The following RNF150 variants were observed in gnomAD, a reference collection of about 807,000 sequenced individuals.
The protein encoded by RNF150 is ring finger protein 150.
RNF150 carries 24 observed loss-of-function variants against 39.3 expected under a neutral mutation model. That is an observed-to-expected ratio of 0.61 (90% CI 0.44 to 0.86). The LOEUF (loss-of-function observed/expected upper bound fraction) is 0.86, where lower values mean the gene tolerates loss of function less well. Among genes scored for constraint, RNF150 ranks in the 40% least tolerant of loss-of-function variants. RNF150 has a pLI of 0.00. For missense variants in RNF150, 502 were observed against 587.8 expected (o/e 0.85, Z 1.51); for synonymous variants, 255 against 227.3 (o/e 1.12, Z -1.10).
At chr4:141,048,450 C>T (rs1448476687) in intron 1 of RNF150, among the ~76,000 whole-genome samples, 1 of 152,104 alleles carries the variant, frequency 6.6e-6, no homozygotes, top group African/African-American at 2.4e-5. Flanking sequence ...TGTATGTGAG[C>T]CTGGGTGCAG....
chr4:140,936,358 A>G (rs1731862964), intron 4 of RNF150, among the ~76,000 whole-genome samples: 1 of 152,222 alleles, frequency 6.6e-6, no homozygotes, highest in South Asian at 2.1e-4. Flanking sequence ...AAACTGCCAA[A>G]CAAATTTCCA....
At chr4:141,030,718 A>T (rs1735911737) in intron 1 of RNF150, among the ~76,000 whole-genome samples, 1 of 152,230 alleles carries the variant, frequency 6.6e-6, no homozygotes, top group Non-Finnish European at 1.5e-5. Context: ...CAAAAAGACA[A>T]ATATGGTATG....
intron 1 of RNF150, among the ~76,000 whole-genome samples, chr4:141,211,524 C>T (rs1358333879): frequency 1.3e-5 from 2 of 152,146 alleles, no homozygotes; most frequent in Non-Finnish European, 2.9e-5. Context: ...ATTATTTCTT[C>T]CAAGTACAAC....
intron 4 of RNF150, among the ~76,000 whole-genome samples, chr4:140,932,444 TTAAAG>T (rs1233790599): frequency 1.3e-5 from 2 of 152,176 alleles, no homozygotes; most frequent in Non-Finnish European, 2.9e-5. Context: ...CTGAAGCTCA[TTAAAG>T]TAAATTATCT....
At chr4:141,036,648 C>A (rs972829296) in intron 1 of RNF150, among the ~76,000 whole-genome samples, 6 of 152,074 alleles carry the variant, frequency 3.9e-5, no homozygotes, top group African/African-American at 1.4e-4. Flanking sequence ...CAGTGGGCTG[C>A]ATGAAGGGAA....
chr4:141,187,305 T>A (rs746609741), intron 1 of RNF150, among the ~76,000 whole-genome samples: 5 of 152,208 alleles, frequency 3.3e-5, no homozygotes, highest in Non-Finnish European at 7.3e-5. Flanking sequence ...TGTGGTGTGG[T>A]GCTGAGAAGA....
intron 1 of RNF150, among the ~76,000 whole-genome samples, chr4:141,181,896 G>T (rs1189795638): frequency 6.6e-6 from 1 of 152,138 alleles, no homozygotes; most frequent in African/African-American, 2.4e-5. Flanking sequence ...GAAGTGGGGG[G>T]AATGTGAATT....
intron 1 of RNF150, among the ~76,000 whole-genome samples, chr4:141,174,952 AAT>A (rs962946338): frequency 6.6e-6 from 1 of 151,620 alleles, no homozygotes; most frequent in African/African-American, 2.4e-5. Flanking sequence ...TTGATTCTGC[AAT>A]GGCAGCCTTA....
chr4:140,973,912 A>T (rs1285928178), intron 1 of RNF150, among the ~76,000 whole-genome samples: 1 of 151,314 alleles, frequency 6.6e-6, no homozygotes, highest in Non-Finnish European at 1.5e-5. Context: ...AGGTAAAAAC[A>T]GTACACGGAG....
intron 1 of RNF150, among the ~76,000 whole-genome samples, chr4:141,142,311 T>C (rs1727130137): frequency 6.6e-6 from 1 of 152,214 alleles, no homozygotes; most frequent in African/African-American, 2.4e-5. Context: ...AAGCCAACTC[T>C]CACTTTTTCT....
intron 1 of RNF150, among the ~76,000 whole-genome samples, chr4:141,082,632 A>T (rs1738200998): frequency 6.6e-6 from 1 of 151,776 alleles, no homozygotes; most frequent in Non-Finnish European, 1.5e-5. Flanking sequence ...TCTGTCGCCC[A>T]GGCTGGAGTG....
chr4:141,046,447 G>A (rs972345767), intron 1 of RNF150, among the ~76,000 whole-genome samples: 2 of 152,186 alleles, frequency 1.3e-5, no homozygotes, highest in African/African-American at 4.8e-5. Flanking sequence ...CCACGAGTCT[G>A]GGAGGAAGCT....
At position 140,947,704 on chromosome 4, in the gene RNF150, A is replaced by G; in HGVS notation, c.840T>C (p.Val280=). 1 of 1,602,858 alleles carries G rather than the reference A, an allele frequency of 6.2e-7. No individual in the cohort carries two copies. The highest frequency in any genetic ancestry group is 8.5e-7 in the Non-Finnish European group (1 of 1,175,984). The part of the protein sequence containing the change: ...ETESDFDNCA[V]CIEGYKPNDV... ...CATTGGGCTTGTACCCTTCAATACA[A>G]ACTGCACAGTTGTCAAAATCAGACT... is the stretch of plus-strand genomic sequence containing the variant. Residue 280 remains valine, a synonymous_variant, in exon 4 of 7, where the codon GTT becomes GTC. Transcript: ENST00000515673.
rs1345443835 is a variant in RNF150, at chr4:141,169,153, G to C, written c.-6+43641C>G. On this transcript the variant is annotated intron_variant, in intron 1 of 7. Coordinates refer to the RNF150 transcript ENST00000420921. ...TAGATCATGGGGGTGATTTCCAATT[G>C]TTTAGCCCCATCCCCTCTTGGTACT... Among the ~76,000 whole-genome samples, 32 of 152,108 alleles carry C rather than the reference G, an allele frequency of 2.1e-4. 1 individual carries two copies. Among genetic ancestry groups the C allele is most frequent in the Admixed American group, 2.0e-3 (31 of 15,262 alleles).
chr4:141,033,964 T>C (rs983622614), intron 1 of RNF150, among the ~76,000 whole-genome samples: 3 of 152,220 alleles, frequency 2.0e-5, no homozygotes, highest in African/African-American at 4.8e-5. Flanking sequence ...AAATGAGCAC[T>C]GGCTTCATTT....
At chr4:140,991,865 A>G (rs1204127694) in intron 1 of RNF150, among the ~76,000 whole-genome samples, 2 of 152,218 alleles carry the variant, frequency 1.3e-5, no homozygotes, top group Non-Finnish European at 2.9e-5. Flanking sequence ...ATGTGAAAAG[A>G]CTGGAATCAT....
intron 1 of RNF150, among the ~76,000 whole-genome samples, chr4:141,204,534 C>T (rs1728343393): frequency 6.6e-6 from 1 of 150,980 alleles, no homozygotes; most frequent in Non-Finnish European, 1.5e-5. Context: ...CCCATCTCCT[C>T]CCTTTCCTAT....
chr4:141,050,335 C>A (rs555364538), intron 1 of RNF150, among the ~76,000 whole-genome samples: 2 of 152,080 alleles, frequency 1.3e-5, no homozygotes, highest in South Asian at 2.1e-4. Flanking sequence ...TGGCCCCTCC[C>A]AAATCTCATG....
chr4:141,156,286 T>C (rs1347662221), intron 1 of RNF150, among the ~76,000 whole-genome samples: 1 of 152,136 alleles, frequency 6.6e-6, no homozygotes, highest in Non-Finnish European at 1.5e-5. Context: ...AGTATATTTA[T>C]TTATTTATTT....
Sources: allele counts gnomAD v4.1 joint callset (sites outside exome capture counted in the v4.1 genomes callset), GRCh38; gene constraint gnomAD v4.1.1; transcripts MANE v1.5; gene names NCBI Gene and HGNC (gene_info 2026-07-23, HGNC 2026-07-21).